Variants in UGT1A7 observed in about 807,000 individuals in gnomAD.
UGT1A7 encodes the protein UDP-glucuronosyltransferase 1A7.
A neutral mutation model predicts 45.6 loss-of-function variants in UGT1A7; 33 were observed. That is an observed-to-expected ratio of 0.72 (90% confidence interval 0.55 to 0.97). The LOEUF (loss-of-function observed/expected upper bound fraction) is 0.97, where lower values mean the gene tolerates loss of function less well. Ranked by LOEUF, UGT1A7 falls within the 50% of genes least tolerant of loss-of-function variation. UGT1A7 has a pLI of 0.00. For missense variants in UGT1A7, 684 were observed against 666.2 expected, an observed-to-expected ratio of 1.03 and a Z score of -0.29; for synonymous variants, 274 against 250.6, an observed-to-expected ratio of 1.09 and a Z score of -0.88.
chr2:233,709,929 A>G (rs1249003261), intron 1 of UGT1A7, among the ~76,000 whole-genome samples: 1 of 152,134 alleles, frequency 6.6e-6, no homozygotes, highest in Non-Finnish European at 1.5e-5. Context: ...ACCTTAGGCA[A>G]CCCTGGATGG....
chr2:233,764,332 A>G (rs1422714629), intron 1 of UGT1A7, among the ~76,000 whole-genome samples: 2 of 152,124 alleles, frequency 1.3e-5, no homozygotes, highest in Non-Finnish European at 2.9e-5. Flanking sequence ...CAAGTAGGGG[A>G]TGGACTTCAC....
chr2:233,684,819 T>G (rs1344738049), intron 1 of UGT1A7, among the ~76,000 whole-genome samples: 1 of 152,164 alleles, frequency 6.6e-6, no homozygotes. Flanking sequence ...CAAAAGTAAA[T>G]TGTCATAGAA....
intron 1 of UGT1A7, chr2:233,721,796 C>T (rs1393362336): frequency 5.8e-6 from 3 of 513,526 alleles, no homozygotes; most frequent in African/African-American, 3.9e-5. Context: ...TTTTAAAGCA[C>T]ATGCAGCAAA....
Position 233,767,048 on chromosome 2 carries a change from C to T in UGT1A7, c.870C>T (p.Tyr290=), listed in dbSNP as rs1206098754. Residue 290 remains tyrosine (Y), a synonymous_variant, in exon 2 of 5, where the codon TAC becomes TAT. Transcript: ENST00000373426. ...TCTGGCTCTAGGAATTTGAAGCCTACATTAATGCTTCTGGAGAACATGGAA... is the reference window on the plus strand; with the variant it reads ...TCTGGCTCTAGGAATTTGAAGCCTATATTAATGCTTCTGGAGAACATGGAA... ...GKPVPMEFEA[Y]INASGEHGIV... 1.9e-6 allele frequency: 3 copies of T among 1,614,068 alleles called. No homozygotes were observed. Among genetic ancestry groups the T allele is most frequent in the Admixed American group, 3.3e-5 (2 of 60,010 alleles).
At chr2:233,731,882 C>A (rs2078215677) in intron 1 of UGT1A7, among the ~76,000 whole-genome samples, 2 of 152,208 alleles carry the variant, frequency 1.3e-5, no homozygotes, top group Admixed American at 6.5e-5. Context: ...AATGGTTGAA[C>A]TAATTTACAC....
At chr2:233,745,083 C>T (rs1426787719) in intron 1 of UGT1A7, among the ~76,000 whole-genome samples, 3 of 151,660 alleles carry the variant, frequency 2.0e-5, no homozygotes, top group East Asian at 3.8e-4. Flanking sequence ...TTTTTCATTG[C>T]TCTTCCCCCC....
At chr2:233,712,136 A>G (rs985714952) in intron 1 of UGT1A7, among the ~76,000 whole-genome samples, 4 of 152,238 alleles carry the variant, frequency 2.6e-5, no homozygotes, top group South Asian at 2.1e-4. Context: ...TGGAGCCTTC[A>G]GCATTCAGAA....
intron 1 of UGT1A7, among the ~76,000 whole-genome samples, chr2:233,739,394 A>AC (rs1399840083): frequency 1.3e-5 from 2 of 152,222 alleles, no homozygotes; most frequent in Non-Finnish European, 1.5e-5. Flanking sequence ...AGCCACAGAC[A>AC]TCAATGCCAC....
intron 1 of UGT1A7, among the ~76,000 whole-genome samples, chr2:233,724,141 C>T (rs1432728282): frequency 6.1e-5 from 7 of 115,170 alleles, no homozygotes; most frequent in African/African-American, 2.0e-4. Context: ...CCGGACGGGG[C>T]GGCTGGCCGG....
At chr2:233,771,437 T>G (rs981684428) in intron 4 of UGT1A7, 1 of 152,226 alleles carries the variant, frequency 6.6e-6, no homozygotes, top group African/African-American at 2.4e-5. Context: ...CATTTTGCAC[T>G]AAGTGGCTGC....
chr2:233,700,334 C>A (rs541076266), intron 1 of UGT1A7, among the ~76,000 whole-genome samples: 14 of 152,332 alleles, frequency 9.2e-5, no homozygotes, highest in Non-Finnish European at 1.5e-4. Context: ...GCCTCTCTTT[C>A]AAAACCCTGT....
intron 2 of UGT1A7, among the ~76,000 whole-genome samples, chr2:233,767,555 C>A (rs1317722684): frequency 3.3e-5 from 5 of 152,206 alleles, no homozygotes; most frequent in Non-Finnish European, 7.3e-5. Context: ...AGTTCTGCAT[C>A]CACTTGTTTC....
Position 233,769,784 on chromosome 2 carries a change from G to A in UGT1A7, c.1295+1345G>A. 3 of 1,312,290 alleles carry A rather than the reference G, an allele frequency of 2.3e-6. No individual in the cohort carries two copies. The highest frequency in any genetic ancestry group is 3.0e-6 in the Non-Finnish European group (3 of 1,000,230). 81.3% of individuals were successfully genotyped at this position (1,312,290 alleles called of 1,614,324 possible). The stretch of plus-strand genomic sequence containing the variant: ...GCGGGAGGATTGCTTGAGCCCAGAA[G>A]TTGGAGGCTGCTATGAGCCGTGATC... On this transcript the variant is annotated intron_variant, in intron 4 of 4. Coordinates refer to ENST00000373426, the MANE Select transcript of UGT1A7 (RefSeq NM_019077.3). This position sits in a 1 kb window ranked among gnomAD's most constrained non-coding sequence, Gnocchi z 4.4.
intron 2 of UGT1A7, among the ~76,000 whole-genome samples, chr2:233,767,645 G>A (rs193254313): frequency 6.6e-5 from 10 of 152,224 alleles, no homozygotes; most frequent in South Asian, 2.1e-4. Context: ...ACAAATTCAC[G>A]TAGTGCATAC....
chr2:233,729,788 C>T (rs377448970), intron 1 of UGT1A7: 5 of 1,613,954 alleles, frequency 3.1e-6, no homozygotes, highest in Non-Finnish European at 3.4e-6. Flanking sequence ...CTGGCCCTGT[C>T]CTACATTTGC....
chr2:233,689,854 C>T (rs994094401), intron 1 of UGT1A7: 1 of 455,394 alleles, frequency 2.2e-6, no homozygotes, highest in Non-Finnish European at 4.4e-6. Flanking sequence ...TTGTTTTAGG[C>T]TACTATTACC....
chr2:233,690,756 G>C, intron 1 of UGT1A7: 3 of 1,106,918 alleles, frequency 2.7e-6, no homozygotes, highest in South Asian at 1.7e-5. Flanking sequence ...GTCCAGTGCA[G>C]ACATACACAC....
chr2:233,743,885 G>C (rs1351631369), intron 1 of UGT1A7: 1 of 1,366,928 alleles, frequency 7.3e-7, no homozygotes, highest in Non-Finnish European at 9.8e-7. Context: ...GGCCTGCCGG[G>C]GCACGTCCAG....
rs1699597581 is a variant in UGT1A7 at position 233,768,288 on chromosome 2, G to A, written c.1144G>A (p.Gly382Ser). 4 of 1,614,072 alleles carry A rather than the reference G, an allele frequency of 2.5e-6. No individual in the cohort carries two copies. Among genetic ancestry groups the A allele is most frequent in the Non-Finnish European group, 3.4e-6 (4 of 1,180,052 alleles). ...TGGTGTTTATGAAAGCATATGCAATGGCGTTCCCATGGTGATGATGCCCTT... is the reference window on the plus strand; with the variant it reads ...TGGTGTTTATGAAAGCATATGCAATAGCGTTCCCATGGTGATGATGCCCTT... ...SHGVYESICN[G>S]VPMVMMPLFG... The change falls in exon 4 of 5, where the codon GGC (glycine) becomes AGC (serine). Residue 382 changes from glycine to serine, a missense_variant. Physicochemically the swap from Gly to Ser is moderately conservative, Grantham distance 56. Transcript: ENST00000373426.
Sources: gnomAD v4.1 joint callset for allele counts (sites outside exome capture counted in the v4.1 genomes callset) on GRCh38, gnomAD v4.1.1 for gene constraint, Gnocchi (gnomAD v3.1) non-coding constraint, MANE v1.5 for transcripts, NCBI Gene and HGNC (gene_info 2026-07-23, HGNC 2026-07-21) for gene names.